The following RAB27B variants were observed in gnomAD, a reference collection of about 807,000 sequenced individuals.
RAB27B encodes the protein ras-related protein Rab-27B.
Under a neutral mutation model 24.6 loss-of-function variants are expected in RAB27B, and 15 were observed. The ratio of observed to expected loss-of-function variants is 0.61; its 90% CI spans 0.41 to 0.94. The LOEUF (loss-of-function observed/expected upper bound fraction) is 0.94, where lower values mean the gene tolerates loss of function less well. Among genes scored for constraint, RAB27B ranks in the 40% least tolerant of loss-of-function variants. The pLI is 0.00. For synonymous variants in RAB27B, 105 were observed against 92.5 expected (o/e 1.14, Z -0.78); for missense variants, 261 against 266.8 (o/e 0.98, Z 0.15).
intron 2 of RAB27B, among the ~76,000 whole-genome samples, chr18:54,751,487 G>C (rs1214649156): frequency 6.6e-6 from 1 of 152,134 alleles, no homozygotes; most frequent in Non-Finnish European, 1.5e-5. Flanking sequence ...TTTGAATGTA[G>C]GAGTCGGCAT....
intron 2 of RAB27B, among the ~76,000 whole-genome samples, chr18:54,815,904 G>A (rs1000682349): frequency 2.6e-5 from 4 of 152,034 alleles, no homozygotes; most frequent in African/African-American, 7.2e-5. Context: ...GATTACAGGC[G>A]TGATCCACCA....
chr18:54,816,626 T>A (rs1215366530), intron 2 of RAB27B, among the ~76,000 whole-genome samples: 1 of 152,144 alleles, frequency 6.6e-6, no homozygotes, highest in Non-Finnish European at 1.5e-5. Flanking sequence ...TCCAGTTAGT[T>A]GGAGAAAACA....
chr18:54,739,567 T>C (rs1910012646), intron 2 of RAB27B, among the ~76,000 whole-genome samples: 1 of 142,618 alleles, frequency 7.0e-6, no homozygotes, highest in Admixed American at 7.0e-5. Flanking sequence ...TTTTTTTTGC[T>C]GCTATGAATA....
chr18:54,808,502 C>T (rs1909864806), intron 2 of RAB27B, among the ~76,000 whole-genome samples: 1 of 152,186 alleles, frequency 6.6e-6, no homozygotes, highest in Non-Finnish European at 1.5e-5. Flanking sequence ...TAGAGAACTA[C>T]TAGATGTTGA....
At chr18:54,842,952 G>A (rs567764069) in intron 1 of RAB27B, among the ~76,000 whole-genome samples, 35 of 152,036 alleles carry the variant, frequency 2.3e-4, no homozygotes, top group Admixed American at 1.7e-3. Context: ...CCGTCACCAC[G>A]CCCAGCTAAT....
chr18:54,878,951 T>C (rs946946683), intron 2 of RAB27B, among the ~76,000 whole-genome samples: 9 of 152,198 alleles, frequency 5.9e-5, no homozygotes, highest in African/African-American at 2.2e-4. Context: ...AAACTGCTTT[T>C]ACCATCTGTG....
intron 2 of RAB27B, among the ~76,000 whole-genome samples, chr18:54,729,154 T>G (rs775205726): frequency 6.6e-6 from 1 of 152,110 alleles, no homozygotes; most frequent in Non-Finnish European, 1.5e-5. Flanking sequence ...CGGGTACTTA[T>G]TTATTTGTAA....
At chr18:54,868,210 A>G (rs55834810) in intron 1 of RAB27B, among the ~76,000 whole-genome samples, 10,269 of 152,186 alleles carry the variant, frequency 0.067, 1,181 homozygotes, top group African/African-American at 0.23. Flanking sequence ...CTAAAGTGTG[A>G]TGTTCTACTT....
chr18:54,867,442 C>CTTTTTTTTTTTTTTTTTT (rs548288719), intron 1 of RAB27B, among the ~76,000 whole-genome samples: 2 of 98,754 alleles, frequency 2.0e-5, no homozygotes, highest in Non-Finnish European at 2.0e-5. Flanking sequence ...CTTTTCTTTT[C>CTTTTTTTTTTTTTTTTTT]TTTTTTTTTT....
At chr18:54,798,334 AGG>A (rs1909488990) in intron 2 of RAB27B, among the ~76,000 whole-genome samples, 2 of 152,244 alleles carry the variant, frequency 1.3e-5, no homozygotes, top group South Asian at 4.1e-4. Context: ...AGAGTCATAG[AGG>A]GCGAGGGCTT....
At chr18:54,792,771 G>T (rs1202803477) in intron 2 of RAB27B, among the ~76,000 whole-genome samples, 1 of 152,214 alleles carries the variant, frequency 6.6e-6, no homozygotes. Context: ...GGAAGAAAAT[G>T]TGTTTTACAA....
chr18:54,780,495 G>A (rs74991243), intron 2 of RAB27B, among the ~76,000 whole-genome samples: 3,622 of 128,188 alleles, frequency 0.028, 64 homozygotes, highest in Middle Eastern at 0.13. Flanking sequence ...TGATGGTTTC[G>A]CCCTCACCGT....
intron 1 of RAB27B, among the ~76,000 whole-genome samples, chr18:54,834,512 T>G (rs1162893001): frequency 6.6e-6 from 1 of 152,150 alleles, no homozygotes; most frequent in Non-Finnish European, 1.5e-5. Flanking sequence ...AACACATAAT[T>G]CTTGTTTGAT....
intron 1 of RAB27B, among the ~76,000 whole-genome samples, chr18:54,852,934 A>G (rs1896523255): frequency 6.6e-6 from 1 of 152,196 alleles, no homozygotes; most frequent in Admixed American, 6.6e-5. Context: ...CCACAAAACC[A>G]TTCTAGTTTC....
chr18:54,828,148 T>A (rs1910536085), upstream of RAB27B: 1 of 152,220 alleles, frequency 6.6e-6, no homozygotes, highest in South Asian at 2.1e-4. Context: ...TCATAGTTAA[T>A]GAGACACCCC....
chr18:54,874,796 A>G (rs181626046), intron 1 of RAB27B, among the ~76,000 whole-genome samples: 85 of 152,330 alleles, frequency 5.6e-4, no homozygotes, highest in African/African-American at 1.9e-3. Flanking sequence ...GAAAATTAAC[A>G]GTTTCATCCA....
intron 1 of RAB27B, among the ~76,000 whole-genome samples, chr18:54,874,918 G>C (rs567807034): frequency 4.6e-5 from 7 of 152,120 alleles, no homozygotes; most frequent in African/African-American, 1.7e-4. Flanking sequence ...CCTTAAGTGT[G>C]GGGGGAAATC....
intron 2 of RAB27B, among the ~76,000 whole-genome samples, chr18:54,783,628 G>A (rs760808768): frequency 1.3e-5 from 2 of 152,042 alleles, no homozygotes; most frequent in Non-Finnish European, 1.5e-5. Flanking sequence ...AAGCGAAAAG[G>A]CAATTTATTG....
At chr18:54,872,199 T>C (rs1912498235) in intron 1 of RAB27B, among the ~76,000 whole-genome samples, 1 of 152,222 alleles carries the variant, frequency 6.6e-6, no homozygotes, top group African/African-American at 2.4e-5. Context: ...ATGTGTTCTC[T>C]GCTAGCACAA....
Sources: allele counts gnomAD v4.1 joint callset (sites outside exome capture counted in the v4.1 genomes callset), GRCh38; gene constraint gnomAD v4.1.1; transcripts MANE v1.5; gene names NCBI Gene and HGNC (gene_info 2026-07-23, HGNC 2026-07-21).